Variants in P2RX3 observed in about 807,000 individuals in gnomAD.
P2RX3 encodes the protein purinergic receptor P2X 3, also known as P2X purinoceptor 3.
P2RX3 carries 41 observed loss-of-function variants against 51.5 expected under a neutral mutation model. The observed-to-expected ratio is 0.80, with a 90% CI of 0.62 to 1.03. The LOEUF is 1.03. Among genes scored for constraint, P2RX3 ranks in the 50% least tolerant of loss-of-function variants. The pLI is 0.00. For missense variants in P2RX3, 459 were observed against 522.1 expected (o/e 0.88, Z 1.18); for synonymous variants, 185 against 191.6 (o/e 0.97, Z 0.29).
At position 57,340,079 on chromosome 11, in the gene P2RX3, C is replaced by A. The variant is rs117420350; in HGVS notation, c.119+1410C>A. Among the ~76,000 whole-genome samples the A allele has an allele frequency of 5.9e-5, 9 of 152,342 alleles. No individual in the cohort carries two copies. In the East Asian group the frequency reaches 1.7e-3, roughly 29 times the overall value. On this transcript the variant is annotated intron_variant, in intron 1 of 11. Transcript: ENST00000263314. The stretch of plus-strand genomic sequence containing the variant: ...GTTTGCAAATGTTCGCTGTCTGCAT[C>A]TCTAGAGCTTGGCTCAAAGTTGGTT...
At chr11:57,342,071 C>T (rs1856349422) in intron 1 of P2RX3, among the ~76,000 whole-genome samples, 1 of 151,166 alleles carries the variant, frequency 6.6e-6, no homozygotes, top group Non-Finnish European at 1.5e-5. Flanking sequence ...CACTGTGAGG[C>T]ACCTTGTCAG....
chr11:57,353,702 A>G (rs1258747436), intron 8 of P2RX3, among the ~76,000 whole-genome samples: 2 of 151,484 alleles, frequency 1.3e-5, no homozygotes, highest in Non-Finnish European at 2.9e-5. Context: ...TACTGTTGCC[A>G]TTTGCTCTGG....
chr11:57,361,149 C>A (rs2134440514), intron 8 of P2RX3, among the ~76,000 whole-genome samples: 1 of 152,336 alleles, frequency 6.6e-6, no homozygotes, highest in African/African-American at 2.4e-5. Flanking sequence ...CCCACCAACC[C>A]TCTTCCAGCT....
intron 8 of P2RX3, among the ~76,000 whole-genome samples, chr11:57,361,515 C>T (rs1396471147): frequency 6.6e-6 from 1 of 152,204 alleles, no homozygotes; most frequent in African/African-American, 2.4e-5. Context: ...CATTGTTCAG[C>T]TCCCACTTAT....
upstream of P2RX3, among the ~76,000 whole-genome samples, chr11:57,337,120 C>T (rs111969336): frequency 0.041 from 6,218 of 151,544 alleles, 427 homozygotes; most frequent in African/African-American, 0.14. Context: ...GGTGAAGCCC[C>T]GTCTCTATTA....
intron 11 of P2RX3, among the ~76,000 whole-genome samples, 182 bp downstream of exon 11, chr11:57,369,620 G>C (rs943210674): frequency 6.6e-6 from 1 of 152,068 alleles, no homozygotes; most frequent in African/African-American, 2.4e-5. Context: ...AGAATCTTGG[G>C]GGTTCTGTGG....
intron 8 of P2RX3, among the ~76,000 whole-genome samples, chr11:57,360,845 A>T (rs193188849): frequency 4.0e-3 from 605 of 151,972 alleles, no homozygotes; most frequent in Admixed American, 8.1e-3. Flanking sequence ...GATATGGCTC[A>T]TAGTCCGTAG....
At position 57,347,454 on chromosome 11, in the gene P2RX3, G is replaced by T. The variant is rs773734654; in HGVS notation, c.367G>T (p.Gly123Trp). ...KYRCVSDSQCGPERLPGGGIL... is the reference protein window; with the variant it reads ...KYRCVSDSQCWPERLPGGGIL... ...CCGCTGTGTATCAGACAGCCAGTGC[G>T]GGCCTGAGCGCTTGCCAGGTGGGGG... The change falls in exon 4 of 12, where the codon GGG becomes TGG. Residue 123 changes from glycine to tryptophan, a missense_variant. Coordinates refer to ENST00000263314, the MANE Select transcript of P2RX3 (RefSeq NM_002559.5). 1 of 1,558,466 alleles carries T rather than the reference G, an allele frequency of 6.4e-7. No individual in the cohort carries two copies. The highest frequency in any genetic ancestry group is 8.7e-7 in the Non-Finnish European group (1 of 1,150,774).
Position 57,370,090 on chromosome 11 carries a change from C to T in P2RX3, c.*93C>T. 3 of 851,042 alleles carry T rather than the reference C, an allele frequency of 3.5e-6. No homozygotes were observed. Among genetic ancestry groups the T allele is most frequent in the Non-Finnish European group, 5.7e-6 (3 of 528,960 alleles). 52.7% of individuals were successfully genotyped at this position (851,042 alleles called of 1,614,324 possible). A position where few individuals can be genotyped will look rare whatever the true frequency, so the allele number is the denominator to read the frequency against. ...AGGGGCATGGGAGGGAAGAGGGGCT[C>T]TCATTTCTGCTGCTCATTCCATGAG... is the stretch of plus-strand genomic sequence containing the variant. On this transcript the variant is annotated 3_prime_UTR_variant, in exon 12 of 12. Transcript: ENST00000263314.
intron 8 of P2RX3, among the ~76,000 whole-genome samples, chr11:57,356,298 A>G (rs1309352899): frequency 6.6e-6 from 1 of 152,216 alleles, no homozygotes; most frequent in African/African-American, 2.4e-5. Context: ...GGGGAAAAAA[A>G]AATAGCTCTA....
chr11:57,355,871 A>G (rs1856621859), intron 8 of P2RX3, among the ~76,000 whole-genome samples: 1 of 152,176 alleles, frequency 6.6e-6, no homozygotes, highest in Non-Finnish European at 1.5e-5. Context: ...GCCCTCTAAA[A>G]GCCTATCCCG....
chr11:57,370,534 T>C lies in P2RX3; in HGVS notation c.*537T>C, dbSNP rs1856869743. 1 of 152,576 alleles carries C rather than the reference T, an allele frequency of 6.6e-6. No individual in the cohort carries two copies. 9.5% of individuals were successfully genotyped at this position (152,576 alleles called of 1,614,324 possible). ...ATGAGAGAAGAATGAACTCCCAGGG[T>C]CCATCAGCCCTGCTGCTTCAGCCGC... On this transcript the variant is annotated 3_prime_UTR_variant, in exon 12 of 12. Coordinates refer to ENST00000263314, the MANE Select transcript of P2RX3 (RefSeq NM_002559.5).
At chr11:57,347,596 T>C in intron 4 of P2RX3, 118 bp downstream of exon 4, 1 of 1,170,034 alleles carries the variant, frequency 8.5e-7, no homozygotes, top group Non-Finnish European at 1.2e-6. Flanking sequence ...TGCTGGCATT[T>C]ACAGTTGCTC....
chr11:57,350,262 T>A, intron 7 of P2RX3: 1 of 206,840 alleles, frequency 4.8e-6, no homozygotes, highest in Non-Finnish European at 9.6e-6. Context: ...AAATTAGGAC[T>A]CAGAGGCTCC....
upstream of P2RX3, among the ~76,000 whole-genome samples, chr11:57,337,355 A>G (rs1420603041): frequency 5.3e-5 from 8 of 150,586 alleles, no homozygotes; most frequent in East Asian, 1.9e-4. Flanking sequence ...AGAAAGAAAA[A>G]AAAAAAAAAC....
Position 57,347,432 on chromosome 11 carries a change from C to T in P2RX3, c.345C>T (p.Arg115=). ...GFCPESEEKY[R]CVSDSQCGPE... ...GCCCACAGAGTGAGGAGAAATACCG[C>T]TGTGTATCAGACAGCCAGTGCGGGC... Residue 115 remains arginine, a synonymous_variant, in exon 4 of 12, where the codon CGC becomes CGT. Transcript: ENST00000263314. 6.4e-7 allele frequency: 1 copy of T among 1,559,712 alleles called. No homozygotes were observed. Among genetic ancestry groups the T allele is most frequent in the Non-Finnish European group, 8.7e-7 (1 of 1,151,316 alleles).
At chr11:57,350,997 CT>C (rs749175004) in intron 8 of P2RX3, 99 bp downstream of exon 8, 143 of 1,537,282 alleles carry the variant, frequency 9.3e-5, no homozygotes, top group Middle Eastern at 3.5e-4. Flanking sequence ...CCACCCACCC[CT>C]GGCCCCAAGT....
At chr11:57,368,955 A>C (rs1856839242) in intron 10 of P2RX3, among the ~76,000 whole-genome samples, 1 of 152,102 alleles carries the variant, frequency 6.6e-6, no homozygotes, top group Non-Finnish European at 1.5e-5. Flanking sequence ...TCCTCCCTGG[A>C]GGACTGGTCC....
At chr11:57,362,931 G>C (rs1387403030) in intron 8 of P2RX3, among the ~76,000 whole-genome samples, 1 of 152,160 alleles carries the variant, frequency 6.6e-6, no homozygotes, top group Non-Finnish European at 1.5e-5. Context: ...AGAGTGTAAT[G>C]ATTAAAGTAA....
Sources: allele counts gnomAD v4.1 joint callset (sites outside exome capture counted in the v4.1 genomes callset), GRCh38; gene constraint gnomAD v4.1.1; transcripts MANE v1.5; gene names NCBI Gene and HGNC (gene_info 2026-07-23, HGNC 2026-07-21).